Variants in MOB3B observed in about 807,000 individuals in gnomAD.
MOB3B encodes MOB kinase activator-like 2B.
MOB3B carries 7 observed loss-of-function variants against 18.7 expected under a neutral mutation model. The observed-to-expected ratio is 0.37, with a 90% confidence interval of 0.21 to 0.70. The LOEUF is 0.70. MOB3B is among the 30% of genes least tolerant of loss of function. The pLI is 0.52. For missense variants in MOB3B, 253 were observed against 281.3 expected (o/e 0.90, Z 0.72); for synonymous variants, 111 against 99.9 (o/e 1.11, Z -0.66).
chr9:27,378,431 C>A (rs1450157128), intron 2 of MOB3B: 1 of 471,482 alleles, frequency 2.1e-6, no homozygotes, highest in Non-Finnish European at 4.4e-6. Context: ...CTGATCCCAT[C>A]TAGTTCCCTC....
intron 2 of MOB3B, among the ~76,000 whole-genome samples, chr9:27,400,463 A>C (rs140097474): frequency 4.6e-5 from 7 of 152,218 alleles, no homozygotes; most frequent in African/African-American, 1.4e-4. Flanking sequence ...TTCCTTCCCA[A>C]ACTGCCAGGC....
chr9:27,446,041 C>G (rs1270300533), intron 2 of MOB3B, among the ~76,000 whole-genome samples: 1 of 152,150 alleles, frequency 6.6e-6, no homozygotes, highest in African/African-American at 2.4e-5. Context: ...AACTCTGGCT[C>G]CAGTCTCTGT....
chr9:27,435,176 T>C (rs898089320), intron 2 of MOB3B, among the ~76,000 whole-genome samples: 1 of 151,930 alleles, frequency 6.6e-6, no homozygotes, highest in African/African-American at 2.4e-5. Context: ...TGTTTTCTCT[T>C]TTCCTGGCCA....
At chr9:27,512,871 TATC>T (rs1178828904) in intron 1 of MOB3B, among the ~76,000 whole-genome samples, 4 of 152,198 alleles carry the variant, frequency 2.6e-5, no homozygotes, top group Non-Finnish European at 5.9e-5. Context: ...TTTATCTAAA[TATC>T]ATAATGTATA....
chr9:27,435,427 T>C (rs890757363), intron 2 of MOB3B, among the ~76,000 whole-genome samples: 11 of 152,202 alleles, frequency 7.2e-5, no homozygotes, highest in African/African-American at 2.6e-4. Flanking sequence ...AAAGGTAGAG[T>C]AGAGAGAAAA....
At chr9:27,403,462 C>T (rs1296200027) in intron 2 of MOB3B, among the ~76,000 whole-genome samples, 1 of 147,916 alleles carries the variant, frequency 6.8e-6, no homozygotes, top group Non-Finnish European at 1.5e-5. Context: ...GAGAAACACA[C>T]TAAAGTTATC....
intron 2 of MOB3B, among the ~76,000 whole-genome samples, chr9:27,376,496 G>A (rs1188436825): frequency 6.6e-6 from 1 of 152,178 alleles, no homozygotes; most frequent in African/African-American, 2.4e-5. Context: ...ATGGACACAG[G>A]ACTCAAGAAC....
chr9:27,433,793 T>G (rs1460709101), intron 2 of MOB3B, among the ~76,000 whole-genome samples: 3 of 152,176 alleles, frequency 2.0e-5, no homozygotes, highest in Non-Finnish European at 4.4e-5. Context: ...GTAATAAACC[T>G]GCTAAACTAC....
Position 27,445,627 on chromosome 9 carries a change from A to C in MOB3B, c.418+9506T>G, listed in dbSNP as rs115008469. The stretch of plus-strand genomic sequence containing the variant: ...TATGGATGGCTTATCTGAGGGCCAT[A>C]ATAGGTAAGTCCGCAATATTTAGCA... On this transcript the variant is annotated intron_variant, in intron 2 of 3. Transcript: ENST00000262244. Among the ~76,000 whole-genome samples, 603 of 152,200 alleles carry C rather than the reference A, an allele frequency of 4.0e-3. 4 individuals carry two copies. Among genetic ancestry groups the C allele is most frequent in the African/African-American group, 0.014 (582 of 41,514 alleles).
chr9:27,467,357 G>A (rs985124470), intron 1 of MOB3B, among the ~76,000 whole-genome samples: 1 of 152,190 alleles, frequency 6.6e-6, no homozygotes, highest in African/African-American at 2.4e-5. Flanking sequence ...GGGGATAAGT[G>A]AGATAATATA....
At chr9:27,363,300 G>C (rs2131359920) in intron 2 of MOB3B, among the ~76,000 whole-genome samples, 1 of 152,048 alleles carries the variant, frequency 6.6e-6, no homozygotes, top group Admixed American at 6.5e-5. Context: ...TTTTGAGATG[G>C]AGTCTCGCAC....
chr9:27,401,313 C>T (rs558779922), intron 2 of MOB3B, among the ~76,000 whole-genome samples: 21 of 152,328 alleles, frequency 1.4e-4, no homozygotes, highest in African/African-American at 2.2e-4. Flanking sequence ...CAATGGCTCA[C>T]GACTAACAAC....
chr9:27,507,425 T>C (rs948537952), intron 1 of MOB3B, among the ~76,000 whole-genome samples: 1 of 152,180 alleles, frequency 6.6e-6, no homozygotes, highest in African/African-American at 2.4e-5. Flanking sequence ...TTACGGTACT[T>C]TGCATCCCTT....
In MOB3B at chr9:27,331,023, T is replaced by C. The variant is rs1449242836; in HGVS notation, c.622-407A>G. On this transcript the variant is annotated intron_variant, in intron 3 of 3. Transcript: ENST00000262244. ...TAGCACTTATGAACTGATACAGTAA[T>C]TGGATTTGGACTGCTAGTTTTCTTC... is the stretch of plus-strand genomic sequence containing the variant. Among the ~76,000 whole-genome samples the C allele has an allele frequency of 2.0e-5, 3 of 152,164 alleles. No individual in the cohort carries two copies. The East Asian group carries it at 5.8e-4, about 29-fold the overall frequency.
chr9:27,462,092 G>C (rs1358948138), intron 1 of MOB3B, among the ~76,000 whole-genome samples: 1 of 152,152 alleles, frequency 6.6e-6, no homozygotes, highest in East Asian at 1.9e-4. Flanking sequence ...GGGCAGGGTT[G>C]ATCCAATCTT....
chr9:27,464,822 G>A (rs893212936), intron 1 of MOB3B, among the ~76,000 whole-genome samples: 1 of 152,076 alleles, frequency 6.6e-6, no homozygotes, highest in African/African-American at 2.4e-5. Context: ...AGAGACCCCT[G>A]ATAAACCCAT....
At chr9:27,513,334 A>G (rs1587270386) in intron 1 of MOB3B, among the ~76,000 whole-genome samples, 1 of 152,114 alleles carries the variant, frequency 6.6e-6, no homozygotes, top group African/African-American at 2.4e-5. Flanking sequence ...ATCTGCCCTC[A>G]ACCTGGCCTC....
chr9:27,347,600 G>A (rs115903255), intron 3 of MOB3B, among the ~76,000 whole-genome samples: 64 of 152,326 alleles, frequency 4.2e-4, no homozygotes, highest in African/African-American at 1.2e-3. Flanking sequence ...AAGGTGTTGC[G>A]TGTAGGATGG....
chr9:27,416,348 G>C (rs1340303082), intron 2 of MOB3B, among the ~76,000 whole-genome samples: 1 of 152,172 alleles, frequency 6.6e-6, no homozygotes, highest in Middle Eastern at 3.4e-3. Context: ...GGACTTCAGA[G>C]AATCTGGTCT....
Sources: allele counts gnomAD v4.1 joint callset (sites outside exome capture counted in the v4.1 genomes callset), GRCh38; gene constraint gnomAD v4.1.1; transcripts MANE v1.5; gene names NCBI Gene and HGNC (gene_info 2026-07-23, HGNC 2026-07-21).